The following GLB1 variants were observed in gnomAD, a reference collection of about 807,000 sequenced individuals.
GLB1 encodes the protein beta-galactosidase.
In GLB1, 56 loss-of-function variants were observed where a neutral mutation model predicts 74.0. That is an observed-to-expected ratio of 0.76 (90% CI 0.61 to 0.94). GLB1 has a LOEUF of 0.94. Ranked by LOEUF, GLB1 falls within the 40% of genes least tolerant of loss-of-function variation. The pLI is 0.00. For synonymous variants in GLB1, 323 were observed against 323.6 expected, an observed-to-expected ratio of 1.00 and a Z score of 0.02; for missense variants, 787 against 845.5, an observed-to-expected ratio of 0.93 and a Z score of 0.86.
the GLB1 span, among the ~76,000 whole-genome samples, chr3:32,962,202 A>G: frequency 6.6e-6 from 1 of 151,130 alleles, no homozygotes; most frequent in Non-Finnish European, 1.5e-5. Flanking sequence ...TTAAAAAAAA[A>G]AGAGAGTCTG....
intron 11 of GLB1, among the ~76,000 whole-genome samples, chr3:33,022,121 C>T (rs959988865): frequency 6.6e-6 from 1 of 152,146 alleles, no homozygotes; most frequent in Non-Finnish European, 1.5e-5. Flanking sequence ...CTCCTCTGAA[C>T]TTGTGTGTGG....
At chr3:33,016,985 C>A (rs1037267248) in intron 13 of GLB1, 145 bp from the exon 14 acceptor site, 3 of 1,367,156 alleles carry the variant, frequency 2.2e-6, no homozygotes, top group Admixed American at 2.4e-5. Context: ...AGCATCTTAG[C>A]CCAAGTTACC....
At chr3:32,975,534 AC>A in the GLB1 span, among the ~76,000 whole-genome samples, 1 of 152,180 alleles carries the variant, frequency 6.6e-6, no homozygotes, top group Non-Finnish European at 1.5e-5. Flanking sequence ...CATCAACAAT[AC>A]CCAGTACAGG....
At chr3:33,010,627 T>C (rs1696981714) in intron 15 of GLB1, among the ~76,000 whole-genome samples, 1 of 152,218 alleles carries the variant, frequency 6.6e-6, no homozygotes, top group Admixed American at 6.5e-5. Context: ...GAAGAACAAA[T>C]ATTTTTAATT....
chr3:32,961,781 A>G, the GLB1 span, among the ~76,000 whole-genome samples: 1 of 152,238 alleles, frequency 6.6e-6, no homozygotes. Context: ...CTCAGCTGAA[A>G]AGGCATCATG....
chr3:33,019,622 A>C (rs1697385890), intron 12 of GLB1, among the ~76,000 whole-genome samples: 1 of 152,178 alleles, frequency 6.6e-6, no homozygotes, highest in Non-Finnish European at 1.5e-5. Context: ...TACTAAGACC[A>C]CACAAACCTT....
intron 9 of GLB1, among the ~76,000 whole-genome samples, chr3:33,049,375 C>G (rs1025656884): frequency 6.6e-6 from 1 of 151,940 alleles, no homozygotes; most frequent in Non-Finnish European, 1.5e-5. Flanking sequence ...TAAACGTGTG[C>G]CATGGTGGTT....
chr3:32,996,777 A>C lies in GLB1; in HGVS notation c.*268T>G, dbSNP rs1020544843. 1.4e-5 allele frequency: 7 copies of C among 494,920 alleles called. No individual in the cohort carries two copies. The highest frequency in any genetic ancestry group is 3.9e-5 in the African/African-American group (2 of 51,790). The allele number at this position is 494,920 out of a possible 1,614,324, so 30.7% of individuals were successfully genotyped here. A position where few individuals can be genotyped will look rare whatever the true frequency, so the allele number is the denominator to read the frequency against. Reference sequence around the variant, plus strand: ...ACAAAAAGGTAACATGATTCTTCCAAAATAAAAATCACTACCACCTTTAAA... The same window carrying C: ...ACAAAAAGGTAACATGATTCTTCCACAATAAAAATCACTACCACCTTTAAA... On this transcript the variant is annotated 3_prime_UTR_variant, in exon 16 of 16. Coordinates refer to ENST00000307363, the MANE Select transcript of GLB1 (RefSeq NM_000404.4).
chr3:32,965,122 T>G, the GLB1 span, among the ~76,000 whole-genome samples: 1 of 152,194 alleles, frequency 6.6e-6, no homozygotes, highest in Non-Finnish European at 1.5e-5. Context: ...GAGAACAGAC[T>G]AATACAGTAA....
intron 4 of GLB1, among the ~76,000 whole-genome samples, chr3:33,065,923 G>A (rs1007040158): frequency 2.1e-5 from 3 of 142,402 alleles, no homozygotes; most frequent in African/African-American, 7.8e-5. Context: ...AGCCAAGATC[G>A]CACCATTGCA....
Position 33,051,934 on chromosome 3 carries a change from G to A in GLB1, c.863C>T (p.Ala288Val). ...GQPHSTIKTE[A>V]VASSLYDILA... ...TATATCATAGAGGGAGGAAGCCACT[G>A]CTTCGGTCTTGATTGTGGAGTGAGG... The change falls in exon 8 of 16, where the codon GCA becomes GTA. Residue 288 changes from alanine to valine, a missense_variant. Coordinates refer to ENST00000307363, the MANE Select transcript of GLB1 (RefSeq NM_000404.4). The A allele has an allele frequency of 6.2e-7, 1 of 1,614,246 alleles. No individual in the cohort carries two copies. Among genetic ancestry groups the A allele is most frequent in the East Asian group, 2.2e-5 (1 of 44,892 alleles).
intron 10 of GLB1, chr3:33,034,803 A>G: frequency 1.6e-6 from 1 of 614,256 alleles, no homozygotes; most frequent in Non-Finnish European, 3.2e-6. Context: ...CAGCATAACA[A>G]GCAGTGACAA....
chr3:32,989,186 G>A, the GLB1 span, among the ~76,000 whole-genome samples: 5 of 152,152 alleles, frequency 3.3e-5, no homozygotes, highest in Non-Finnish European at 7.3e-5. Context: ...GATGTTCTTA[G>A]CATCAGAAGG....
At chr3:33,071,124 C>A (rs1343515957) in intron 2 of GLB1, among the ~76,000 whole-genome samples, 2 of 152,132 alleles carry the variant, frequency 1.3e-5, no homozygotes, top group African/African-American at 4.8e-5. Context: ...CCATCCATTA[C>A]CATCACAAAG....
chr3:33,014,459 A>G lies in GLB1; in HGVS notation c.1480-149T>C, dbSNP rs57857629. ...CGAAATATGTGTACATCGAAGTAACACAGATCTAACTGGAGGTTGAATTAC... is the reference window on the plus strand; with the variant it reads ...CGAAATATGTGTACATCGAAGTAACGCAGATCTAACTGGAGGTTGAATTAC... On this transcript the variant is annotated intron_variant, in intron 14 of 15. Coordinates refer to ENST00000307363, the MANE Select transcript of GLB1 (RefSeq NM_000404.4). The G allele has an allele frequency of 0.08, 96,212 of 1,201,550 alleles. 4,461 individuals are homozygous for G. The highest frequency in any genetic ancestry group is 0.1 in the African/African-American group (6,689 of 65,928). 74.4% of individuals were successfully genotyped at this position (1,201,550 alleles called of 1,614,324 possible). A position where few individuals can be genotyped will look rare whatever the true frequency, so the allele number is the denominator to read the frequency against.
chr3:33,092,505 A>AC (rs1203086270), intron 1 of GLB1: 8 of 1,084,636 alleles, frequency 7.4e-6, no homozygotes, highest in Non-Finnish European at 9.0e-6. Flanking sequence ...CTTTCTAGCA[A>AC]CCCCGAGGGG....
At chr3:33,045,967 T>G (rs368880858) in intron 10 of GLB1, among the ~76,000 whole-genome samples, 153 bp downstream of exon 10, 2 of 152,180 alleles carry the variant, frequency 1.3e-5, no homozygotes, top group African/African-American at 4.8e-5. Context: ...ACCACGTGGG[T>G]ACAAGATGCA....
At position 33,068,295 on chromosome 3, in the gene GLB1, T is replaced by C. The variant is rs375046684; in HGVS notation, c.397-5A>G. 85 of 1,614,018 alleles carry C rather than the reference T, an allele frequency of 5.3e-5. No individual in the cohort carries two copies. In the African/African-American group the frequency reaches 1.1e-3, roughly 20 times the overall value. On this transcript the variant is annotated splice_polypyrimidine_tract_variant and splice_region_variant and intron_variant, in intron 3 of 15. Transcript: ENST00000307363. ...CAGCCAAGCAGGTAATCCTCCCTAG[T>C]TCAGGGAAAACAAGCCATTATAATG...
intron 9 of GLB1, among the ~76,000 whole-genome samples, chr3:33,049,891 T>C (rs1452295233): frequency 6.6e-6 from 1 of 152,184 alleles, no homozygotes; most frequent in Non-Finnish European, 1.5e-5. Flanking sequence ...ATAATGCTTG[T>C]AAGCGATGTC....
Sources: gnomAD v4.1 joint callset for allele counts (sites outside exome capture counted in the v4.1 genomes callset) on GRCh38, gnomAD v4.1.1 for gene constraint, MANE v1.5 for transcripts, NCBI Gene and HGNC (gene_info 2026-07-23, HGNC 2026-07-21) for gene names.